DAB1: variants seen among roughly 807,000 people sequenced by gnomAD.
DAB1 encodes the protein disabled homolog 1.
DAB1 carries 15 observed loss-of-function variants against 64.6 expected under a neutral mutation model. That is an observed-to-expected ratio of 0.23 (90% CI 0.16 to 0.36). The LOEUF (loss-of-function observed/expected upper bound fraction) is 0.36, where lower values mean the gene tolerates loss of function less well. Ranked by LOEUF, DAB1 falls within the 10% of genes least tolerant of loss-of-function variation. DAB1 has a pLI of 1.00. For synonymous variants in DAB1, 235 were observed against 251.9 expected (o/e 0.93, Z 0.64); for missense variants, 596 against 706.7 (o/e 0.84, Z 1.78).
chr1:57,858,971 G>A (rs921891787), intron 1 of DAB1, among the ~76,000 whole-genome samples: 3 of 151,910 alleles, frequency 2.0e-5, no homozygotes, highest in Non-Finnish European at 2.9e-5. Flanking sequence ...CCCTGTGCCC[G>A]GAGCATCCCA....
intron 4 of DAB1, among the ~76,000 whole-genome samples, chr1:58,262,093 A>C (rs548593728): frequency 9.2e-4 from 140 of 152,356 alleles, no homozygotes; most frequent in South Asian, 1.9e-3. Flanking sequence ...AACTAAAAAG[A>C]GGAGAGTAAT....
At chr1:57,628,390 C>G (rs1393091018) in intron 7 of DAB1, among the ~76,000 whole-genome samples, 2 of 152,202 alleles carry the variant, frequency 1.3e-5, no homozygotes, top group Non-Finnish European at 2.9e-5. Context: ...GATATTGTGG[C>G]TATCTTAGTA....
At chr1:58,056,963 G>A in intron 5 of DAB1, among the ~76,000 whole-genome samples, 1 of 151,506 alleles carries the variant, frequency 6.6e-6, no homozygotes. Flanking sequence ...TAACTCGTAT[G>A]TTTTCCCTAT....
intron 4 of DAB1, among the ~76,000 whole-genome samples, chr1:58,160,572 C>T (rs1023572690): frequency 6.6e-6 from 1 of 152,122 alleles, no homozygotes; most frequent in African/African-American, 2.4e-5. Flanking sequence ...CTGGGCCTCA[C>T]CAGAACAAGT....
downstream of DAB1, among the ~76,000 whole-genome samples, chr1:57,821,405 C>A (rs769940400): frequency 1.7e-5 from 2 of 116,020 alleles, no homozygotes; most frequent in Non-Finnish European, 3.9e-5. Context: ...AGGCAATGAG[C>A]AGCTCTGTAA....
chr1:57,837,293 C>G (rs1021729065), intron 1 of DAB1, among the ~76,000 whole-genome samples: 2 of 152,198 alleles, frequency 1.3e-5, no homozygotes, highest in Non-Finnish European at 1.5e-5. Flanking sequence ...CTCGTTTCCT[C>G]AAATCTCCTT....
At chr1:58,123,874 G>A (rs1048868042) in intron 5 of DAB1, among the ~76,000 whole-genome samples, 1 of 152,136 alleles carries the variant, frequency 6.6e-6, no homozygotes. Context: ...AGTTATATAT[G>A]TGAGAGGAAG....
intron 3 of DAB1, among the ~76,000 whole-genome samples, chr1:58,397,299 C>T (rs1345591632): frequency 6.6e-6 from 1 of 152,184 alleles, no homozygotes; most frequent in Admixed American, 6.5e-5. Context: ...GTTGTTCTGA[C>T]ATTTCATGCA....
At chr1:58,487,254 G>C (rs1364223233) in intron 3 of DAB1, among the ~76,000 whole-genome samples, 1 of 152,212 alleles carries the variant, frequency 6.6e-6, no homozygotes, top group Non-Finnish European at 1.5e-5. Flanking sequence ...ATAGGACACA[G>C]AAGTGAAGGA....
intron 5 of DAB1, among the ~76,000 whole-genome samples, chr1:58,064,259 C>T (rs1371521434): frequency 6.6e-6 from 1 of 152,142 alleles, no homozygotes; most frequent in African/African-American, 2.4e-5. Flanking sequence ...ACACACAACC[C>T]ACAATCTGTC....
chr1:57,686,642 C>G (rs561073981), intron 6 of DAB1, among the ~76,000 whole-genome samples: 1 of 152,070 alleles, frequency 6.6e-6, no homozygotes, highest in African/African-American at 2.4e-5. Flanking sequence ...AACATAGATT[C>G]AAAAATTCTC....
chr1:58,114,112 A>G (rs1652170349), intron 5 of DAB1, among the ~76,000 whole-genome samples: 1 of 148,920 alleles, frequency 6.7e-6, no homozygotes, highest in Admixed American at 6.7e-5. Flanking sequence ...AAAAAAAATT[A>G]CCTGGGCATG....
chr1:58,133,500 C>A (rs1163873145), intron 5 of DAB1, among the ~76,000 whole-genome samples: 1 of 152,234 alleles, frequency 6.6e-6, no homozygotes, highest in African/African-American at 2.4e-5. Flanking sequence ...CCATCTTCAT[C>A]TCTAAGCTCC....
At chr1:57,169,460 T>C (rs985431371) in intron 2 of DAB1, among the ~76,000 whole-genome samples, 2 of 152,196 alleles carry the variant, frequency 1.3e-5, no homozygotes, top group Non-Finnish European at 2.9e-5. Context: ...CAAGGTTACA[T>C]AGCCAACGGG....
chr1:58,286,281 A>C (rs1661680464), intron 4 of DAB1, among the ~76,000 whole-genome samples: 1 of 152,232 alleles, frequency 6.6e-6, no homozygotes, highest in Admixed American at 6.5e-5. Context: ...GAAAACACCA[A>C]AAGCAATTGC....
intron 2 of DAB1, among the ~76,000 whole-genome samples, chr1:57,220,272 A>T (rs780660419): frequency 6.6e-6 from 1 of 152,208 alleles, no homozygotes; most frequent in African/African-American, 2.4e-5. Flanking sequence ...TTCCAAGGAC[A>T]CTAGTGGAAC....
chr1:57,699,225 T>A (rs1443136875), intron 6 of DAB1, among the ~76,000 whole-genome samples: 3 of 152,174 alleles, frequency 2.0e-5, no homozygotes, highest in Non-Finnish European at 4.4e-5. Flanking sequence ...CAGGTGTGAG[T>A]CATGGTGCCC....
At chr1:58,210,205 A>G (rs1183866663) in intron 4 of DAB1, among the ~76,000 whole-genome samples, 1 of 152,222 alleles carries the variant, frequency 6.6e-6, no homozygotes, top group African/African-American at 2.4e-5. Context: ...TTGGATCTGC[A>G]TCTGCTTGAC....
chr1:57,020,884 T>TA (rs35275634), intron 11 of DAB1, among the ~76,000 whole-genome samples: 41,448 of 152,004 alleles, frequency 0.27, 8,233 homozygotes, highest in African/African-American at 0.55. Flanking sequence ...AGCTTAGAAA[T>TA]AATGGCTGAA....
Sources: gnomAD v4.1 joint callset for allele counts (sites outside exome capture counted in the v4.1 genomes callset) on GRCh38, gnomAD v4.1.1 for gene constraint, MANE v1.5 for transcripts, NCBI Gene and HGNC (gene_info 2026-07-23, HGNC 2026-07-21) for gene names.